STIM1: variants seen among roughly 807,000 people sequenced by gnomAD.
The protein encoded by STIM1 is stromal interaction molecule 1.
A neutral mutation model predicts 74.7 loss-of-function variants in STIM1; 25 were observed. That is an observed-to-expected ratio of 0.33 (90% CI 0.24 to 0.47). The LOEUF (loss-of-function observed/expected upper bound fraction) is 0.47. Ranked by LOEUF, STIM1 falls within the 20% of genes least tolerant of loss-of-function variation. STIM1 has a pLI of 1.00. For missense variants in STIM1, 728 were observed against 920.8 expected, an observed-to-expected ratio of 0.79 and a Z score of 2.71; for synonymous variants, 328 against 348.8, an observed-to-expected ratio of 0.94 and a Z score of 0.66.
At chr11:3,903,558 C>T (rs1590548374) in intron 1 of STIM1, 1 of 152,330 alleles carries the variant, frequency 6.6e-6, no homozygotes, top group East Asian at 1.9e-4. Flanking sequence ...TAAGGAAGCT[C>T]TCCTCTTTCT....
intron 2 of STIM1, among the ~76,000 whole-genome samples, chr11:4,001,934 A>G (rs2093721969): frequency 7.3e-6 from 1 of 136,232 alleles, no homozygotes; most frequent in African/African-American, 2.8e-5. Flanking sequence ...AGGGGTTGCA[A>G]TCCTAGTCTC....
At chr11:3,972,948 G>T in intron 2 of STIM1, 1 of 511,754 alleles carries the variant, frequency 2.0e-6, no homozygotes. Flanking sequence ...TGTTATAATT[G>T]CCAAAATTAT....
chr11:4,071,522 T>C (rs184295345), intron 6 of STIM1, among the ~76,000 whole-genome samples: 118 of 152,238 alleles, frequency 7.8e-4, no homozygotes, highest in African/African-American at 2.8e-3. Context: ...TTTTTATTTT[T>C]TGTAGAGACA....
chr11:3,990,769 AGATCC>A (rs1277443133), intron 2 of STIM1, among the ~76,000 whole-genome samples: 1 of 152,226 alleles, frequency 6.6e-6, no homozygotes, highest in Non-Finnish European at 1.5e-5. Flanking sequence ...ATATTTTCTC[AGATCC>A]TTTGCTCATT....
intron 7 of STIM1, among the ~76,000 whole-genome samples, chr11:4,076,485 C>CAAAAAAAAAA (rs58804386): frequency 7.4e-5 from 3 of 40,762 alleles, no homozygotes; most frequent in African/African-American, 3.4e-4. Context: ...GACTCCATCT[C>CAAAAAAAAAA]AAAAAAAAAA....
chr11:4,002,688 A>T (rs1565144197), intron 2 of STIM1, among the ~76,000 whole-genome samples: 1 of 150,736 alleles, frequency 6.6e-6, no homozygotes, highest in African/African-American at 2.4e-5. Flanking sequence ...CTAGAAAAGC[A>T]AGAGCAAACA....
Position 4,086,991 on chromosome 11 carries a change from T to G in STIM1, c.1634+448T>G, listed in dbSNP as rs1203617397. On this transcript the variant is annotated intron_variant, in intron 12 of 12. Transcript: ENST00000526596. The stretch of plus-strand genomic sequence containing the variant: ...CAGTGGGGAATCTTCTTATCCTGTT[T>G]GTTCCCAGCTCTGGGATTCCTTTTT... 1.1e-5 allele frequency: 15 copies of G among 1,314,444 alleles called. No homozygotes were observed. The East Asian group carries it at 2.8e-4, about 24-fold the overall frequency. 81.4% of individuals were successfully genotyped at this position (1,314,444 alleles called of 1,614,324 possible).
chr11:4,087,491 G>T (rs1234182945), intron 12 of STIM1, among the ~76,000 whole-genome samples: 1 of 152,092 alleles, frequency 6.6e-6, no homozygotes, highest in Non-Finnish European at 1.5e-5. Flanking sequence ...ATATATTTGT[G>T]GTTAGAACAC....
At chr11:3,980,119 C>T (rs1183463702) in intron 2 of STIM1, among the ~76,000 whole-genome samples, 3 of 152,182 alleles carry the variant, frequency 2.0e-5, no homozygotes, top group Non-Finnish European at 4.4e-5. Context: ...TGTGTTCCTG[C>T]ACTAATACTG....
intron 7 of STIM1, among the ~76,000 whole-genome samples, chr11:4,080,870 C>T (rs1269773360): frequency 6.6e-6 from 1 of 152,170 alleles, no homozygotes; most frequent in Non-Finnish European, 1.5e-5. Flanking sequence ...TTCTTCCCTT[C>T]TTAGCTTATC....
At chr11:4,021,800 C>T (rs539587478) in intron 2 of STIM1, among the ~76,000 whole-genome samples, 18 of 152,022 alleles carry the variant, frequency 1.2e-4, no homozygotes, top group Non-Finnish European at 2.4e-4. Flanking sequence ...AATATTAATT[C>T]TTCCAACCCA....
chr11:4,071,788 A>C (rs1176381114), intron 6 of STIM1, among the ~76,000 whole-genome samples: 1 of 152,208 alleles, frequency 6.6e-6, no homozygotes, highest in Non-Finnish European at 1.5e-5. Context: ...AGTTGGGGAA[A>C]TGAAGGCTCA....
chr11:3,891,229 A>G (rs184856980), intron 1 of STIM1, among the ~76,000 whole-genome samples: 1 of 152,256 alleles, frequency 6.6e-6, no homozygotes, highest in East Asian at 1.9e-4. Context: ...CCTAATTAGA[A>G]ATTTCATGTT....
intron 1 of STIM1, among the ~76,000 whole-genome samples, chr11:3,905,988 A>G (rs2092459445): frequency 1.3e-5 from 2 of 152,074 alleles, no homozygotes; most frequent in South Asian, 4.1e-4. Context: ...CCTTTTCTTT[A>G]CTTACCAGTG....
intron 4 of STIM1, among the ~76,000 whole-genome samples, chr11:4,055,854 A>C (rs960088355): frequency 1.3e-5 from 2 of 152,218 alleles, no homozygotes; most frequent in African/African-American, 2.4e-5. Context: ...CAGTCCTGGG[A>C]ATAGTACTGA....
intron 5 of STIM1, among the ~76,000 whole-genome samples, chr11:4,063,845 A>G (rs2094348314): frequency 6.6e-6 from 1 of 152,210 alleles, no homozygotes; most frequent in African/African-American, 2.4e-5. Flanking sequence ...ATTCCTCCCT[A>G]CAGTTCCTTT....
chr11:3,970,801 G>C (rs971495873), intron 2 of STIM1, among the ~76,000 whole-genome samples: 3 of 151,916 alleles, frequency 2.0e-5, no homozygotes, highest in African/African-American at 7.3e-5. Context: ...TTTTACTGCT[G>C]TGCTTGATAT....
chr11:3,966,069 T>G (rs1299601908), intron 1 of STIM1, among the ~76,000 whole-genome samples: 4 of 152,142 alleles, frequency 2.6e-5, no homozygotes, highest in African/African-American at 9.7e-5. Flanking sequence ...ATGTTCTTCT[T>G]GCCCATATTA....
At chr11:4,037,621 C>G (rs111808426) in intron 3 of STIM1, among the ~76,000 whole-genome samples, 1 of 152,014 alleles carries the variant, frequency 6.6e-6, no homozygotes, top group Admixed American at 6.6e-5. Flanking sequence ...TTTGGAATGT[C>G]TTTTTCCATC....
Sources: allele counts gnomAD v4.1 joint callset (sites outside exome capture counted in the v4.1 genomes callset), GRCh38; gene constraint gnomAD v4.1.1; transcripts MANE v1.5; gene names NCBI Gene and HGNC (gene_info 2026-07-23, HGNC 2026-07-21).